The following GTF2A2 variants were observed in gnomAD, a reference collection of about 807,000 sequenced individuals.
GTF2A2 encodes the protein transcription initiation factor IIA subunit 2.
GTF2A2 carries 9 observed loss-of-function variants against 14.3 expected under a neutral mutation model. That is an observed-to-expected ratio of 0.63 (90% CI 0.38 to 1.10). GTF2A2 has a LOEUF of 1.10. Ranked by LOEUF, GTF2A2 falls within the 50% of genes least tolerant of loss-of-function variation. The pLI is 0.01. For missense variants in GTF2A2, 90 were observed against 124.6 expected (o/e 0.72, Z 1.32); for synonymous variants, 56 against 46.0 (o/e 1.22, Z -0.88).
At chr15:59,643,564 T>C (rs1290988063) in intron 3 of GTF2A2, among the ~76,000 whole-genome samples, 5 of 150,234 alleles carry the variant, frequency 3.3e-5, no homozygotes, top group Admixed American at 1.3e-4. Flanking sequence ...TAGGAATATA[T>C]ATATACTTGA....
rs374075324 is a variant in GTF2A2, at chr15:59,641,181, C to CTT, written c.304+953_304+954dup. Among the ~76,000 whole-genome samples the CTT allele has an allele frequency of 7.4e-3, 1,046 of 141,332 alleles. 11 individuals are homozygous for CTT. Among genetic ancestry groups the CTT allele is most frequent in the African/African-American group, 0.024 (907 of 37,518 alleles). The allele number at this position is 141,332 out of a possible 152,430, so 92.7% of individuals were successfully genotyped here. On this transcript the variant is annotated intron_variant, in intron 4 of 4. Transcript: ENST00000396060. Reference sequence around the variant, plus strand: ...CCAGCCTGGGCAATACAGCAAGACTCTTTTTTTTTTTTTTTTTTTAAGGCT... The same window carrying CTT: ...CCAGCCTGGGCAATACAGCAAGACTCTTTTTTTTTTTTTTTTTTTTTAAGGCT...
At chr15:59,646,529 T>C (rs1019858893) in intron 3 of GTF2A2, among the ~76,000 whole-genome samples, 1 of 152,220 alleles carries the variant, frequency 6.6e-6, no homozygotes, top group Admixed American at 6.5e-5. Context: ...AAGCAAGTCC[T>C]TGGGATTTAT....
chr15:59,653,031 CAT>C (rs1236824717), intron 1 of GTF2A2: 1 of 152,086 alleles, frequency 6.6e-6, no homozygotes, highest in Non-Finnish European at 1.5e-5. Context: ...TGGGGAAAAA[CAT>C]AAACTGTTCT....
chr15:59,649,919 A>T (rs1056533113), intron 3 of GTF2A2, among the ~76,000 whole-genome samples: 1 of 152,220 alleles, frequency 6.6e-6, no homozygotes, highest in Admixed American at 6.5e-5. Flanking sequence ...GGTTGTAACC[A>T]TATTTTAACC....
At chr15:59,639,302 T>C in intron 4 of GTF2A2, 145 bp from the exon 5 acceptor site, 1 of 652,982 alleles carries the variant, frequency 1.5e-6, no homozygotes, top group Non-Finnish European at 2.8e-6. Flanking sequence ...GGAGGAAAGG[T>C]GACACTGTAA....
Position 59,638,863 on chromosome 15 carries a change from T to TACTC in GTF2A2, c.*265_*268dup, listed in dbSNP as rs1178698507. On this transcript the variant is annotated 3_prime_UTR_variant, in exon 5 of 5. Transcript: ENST00000396060. Reference sequence around the variant, plus strand: ...CTACCTTAATAGCTTCACCAGTTATTACTCAGAGTTTTAAAATGAGTTTAT... The same window carrying TACTC: ...CTACCTTAATAGCTTCACCAGTTATTACTCACTCAGAGTTTTAAAATGAGTTTAT... 8.2e-6 allele frequency: 3 copies of TACTC among 365,772 alleles called. No individual in the cohort carries two copies. Among genetic ancestry groups the TACTC allele is most frequent in the African/African-American group, 6.3e-5 (3 of 47,276 alleles). The allele number at this position is 365,772 out of a possible 1,614,324, so 22.7% of individuals were successfully genotyped here. A position where few individuals can be genotyped will look rare whatever the true frequency, so the allele number is the denominator to read the frequency against.
At chr15:59,647,992 G>T (rs1219134806) in intron 3 of GTF2A2, among the ~76,000 whole-genome samples, 1 of 152,132 alleles carries the variant, frequency 6.6e-6, no homozygotes, top group Non-Finnish European at 1.5e-5. Flanking sequence ...TCTTATTTTT[G>T]GGGGGTGTGG....
At chr15:59,653,192 G>C (rs1361452263) in intron 1 of GTF2A2, among the ~76,000 whole-genome samples, 1 of 152,124 alleles carries the variant, frequency 6.6e-6, no homozygotes, top group East Asian at 1.9e-4. Context: ...CTGGGCTTCA[G>C]TGCGTGATTT....
rs538818682 is a variant in GTF2A2, at chr15:59,638,205, A to C, written c.*927T>G. 6.6e-6 allele frequency: 1 copy of C among 152,258 alleles called. No homozygotes were observed. The highest frequency in any genetic ancestry group is 2.4e-5 in the African/African-American group (1 of 41,546). 9.4% of individuals were successfully genotyped at this position (152,258 alleles called of 1,614,324 possible). ...TTACAGGTGTGAGCCACCAGTACCTAGCCAAAGTTAGTTTTAATGTGAGAG... is the reference window on the plus strand; with the variant it reads ...TTACAGGTGTGAGCCACCAGTACCTCGCCAAAGTTAGTTTTAATGTGAGAG... On this transcript the variant is annotated 3_prime_UTR_variant, in exon 5 of 5. Coordinates refer to ENST00000396060, the MANE Select transcript of GTF2A2 (RefSeq NM_004492.3).
intron 3 of GTF2A2, among the ~76,000 whole-genome samples, chr15:59,648,251 T>C (rs934575749): frequency 5.3e-5 from 8 of 151,480 alleles, no homozygotes; most frequent in African/African-American, 1.9e-4. Context: ...TTACTAAAAA[T>C]ACAAAAATTA....
chr15:59,650,583 T>C, intron 3 of GTF2A2, 86 bp downstream of exon 3: 1 of 704,852 alleles, frequency 1.4e-6, no homozygotes, highest in Non-Finnish European at 2.5e-6. Context: ...CCTCTTATGA[T>C]TAATAAATAT....
intron 3 of GTF2A2, among the ~76,000 whole-genome samples, chr15:59,642,468 A>T (rs1010392577): frequency 1.3e-5 from 2 of 152,234 alleles, no homozygotes; most frequent in Non-Finnish European, 2.9e-5. Flanking sequence ...TTTAGTTGGC[A>T]GACTGTATTT....
intron 4 of GTF2A2, chr15:59,640,309 A>T (rs1891367193): frequency 1.3e-5 from 2 of 152,208 alleles, no homozygotes; most frequent in Admixed American, 1.3e-4. Context: ...AGCTCCTATC[A>T]GTAAAATACG....
At chr15:59,639,277 G>A (rs865895633) in intron 4 of GTF2A2, 120 bp from the exon 5 acceptor site, 5 of 704,438 alleles carry the variant, frequency 7.1e-6, no homozygotes, top group Middle Eastern at 5.4e-4. Flanking sequence ...GTGGCTTGCA[G>A]GGTGGGGAAG....
At chr15:59,649,088 C>G (rs72751159) in intron 3 of GTF2A2, among the ~76,000 whole-genome samples, 4,017 of 152,272 alleles carry the variant, frequency 0.026, 72 homozygotes, top group Non-Finnish European at 0.041. Flanking sequence ...CAAAATGGCT[C>G]TGAAAATTAG....
chr15:59,656,137 C>A (rs1891936011), intron 1 of GTF2A2, among the ~76,000 whole-genome samples: 1 of 152,152 alleles, frequency 6.6e-6, no homozygotes, highest in African/African-American at 2.4e-5. Context: ...CTACCATGAT[C>A]TCTTTGACTT....
intron 3 of GTF2A2, among the ~76,000 whole-genome samples, chr15:59,642,933 GTTTT>G (rs200434004): frequency 2.6e-5 from 4 of 150,996 alleles, no homozygotes; most frequent in Non-Finnish European, 4.4e-5. Flanking sequence ...CGCCCAGCTA[GTTTT>G]TTTATTTTTA....
rs116659048 is a variant in GTF2A2 at position 59,640,613 on chromosome 15, C to T, written c.305-1456G>A. On this transcript the variant is annotated intron_variant, in intron 4 of 4. Transcript: ENST00000396060. ...ATTGGAAAATGCAACAGAACATGTC[C>T]GTGCTAAAAAAAAGTTCTAAGCAGT... is the stretch of plus-strand genomic sequence containing the variant. Among the ~76,000 whole-genome samples, 1,202 of 152,000 alleles carry T rather than the reference C, an allele frequency of 7.9e-3. 22 individuals carry two copies. The highest frequency in any genetic ancestry group is 0.027 in the African/African-American group (1,115 of 41,454).
At chr15:59,642,308 TCA>T in intron 3 of GTF2A2, 46 bp from the exon 4 acceptor site, 2 of 1,527,826 alleles carry the variant, frequency 1.3e-6, no homozygotes, top group Admixed American at 2.0e-5. Context: ...TTTTTTCCCC[TCA>T]CATTTTTCTC....
Sources: allele counts gnomAD v4.1 joint callset (sites outside exome capture counted in the v4.1 genomes callset), GRCh38; gene constraint gnomAD v4.1.1; transcripts MANE v1.5; gene names NCBI Gene and HGNC (gene_info 2026-07-23, HGNC 2026-07-21).